CD24: variants seen among roughly 807,000 people sequenced by gnomAD.
CD24 encodes the protein signal transducer CD24.
CD24 carries 2 observed loss-of-function variants against 3.6 expected under a neutral mutation model. The ratio of observed to expected loss-of-function variants is 0.56; its 90% CI spans 0.23 to 1.77. CD24 has a LOEUF of 1.77. Ranked by LOEUF, CD24 falls within the 40% of genes most tolerant of loss-of-function variation. The pLI is 0.18. For missense variants in CD24, 62 were observed against 93.6 expected, an observed-to-expected ratio of 0.66 and a Z score of 1.39; for synonymous variants, 33 against 44.9, an observed-to-expected ratio of 0.74 and a Z score of 1.06.
At chr6:106,974,949 G>C (rs1392265873), upstream of CD24, among the ~76,000 whole-genome samples, 12 of 148,734 alleles carry the variant, frequency 8.1e-5, no homozygotes, top group East Asian at 2.0e-3. Context: ...CGCCGCTGCA[G>C]GTGGGCGGGC....
intron 1 of CD24, among the ~76,000 whole-genome samples, chr6:106,974,228 C>T (rs1773047043): frequency 6.6e-6 from 1 of 152,176 alleles, no homozygotes; most frequent in African/African-American, 2.4e-5. Context: ...CCCGAGCTCT[C>T]CAGGCGCTAA....
intron 1 of CD24, chr6:106,973,655 C>A (rs916830059): frequency 5.0e-6 from 2 of 398,628 alleles, no homozygotes; most frequent in Non-Finnish European, 8.8e-6. Flanking sequence ...CCCGAACTGA[C>A]CCAAACAAAC....
At chr6:106,973,752 G>A in intron 1 of CD24, 1 of 398,384 alleles carries the variant, frequency 2.5e-6, no homozygotes, top group Non-Finnish European at 4.4e-6. Context: ...ATACACCCTC[G>A]AGGCAGCGCT....
upstream of CD24, chr6:106,975,198 T>C (rs1773080263): frequency 2.0e-5 from 3 of 151,834 alleles, no homozygotes; most frequent in African/African-American, 4.8e-5. Flanking sequence ...AGCAAGTGCA[T>C]TGCCACTCAG....
upstream of CD24, among the ~76,000 whole-genome samples, chr6:106,974,921 G>A (rs1424157754): frequency 6.8e-6 from 1 of 146,720 alleles, no homozygotes; most frequent in Non-Finnish European, 1.5e-5. Flanking sequence ...CTCGCGGGCC[G>A]GGAGCCCCCC....
intron 1 of CD24, chr6:106,973,677 G>C: frequency 2.5e-6 from 1 of 398,624 alleles, no homozygotes; most frequent in Non-Finnish European, 4.4e-6. Context: ...TACCTTCTTC[G>C]CCCCCGCCCC....
intron 1 of CD24, chr6:106,973,953 A>T: frequency 2.5e-6 from 1 of 398,472 alleles, no homozygotes; most frequent in Non-Finnish European, 4.4e-6. Flanking sequence ...CAAGCGATGG[A>T]CGTGAAAGGT....
intron 1 of CD24, among the ~76,000 whole-genome samples, chr6:106,972,948 T>C (rs1209462616): frequency 6.6e-6 from 1 of 152,168 alleles, no homozygotes; most frequent in Non-Finnish European, 1.5e-5. Context: ...CAAAATAGAT[T>C]AGTGACAACA....
chr6:106,974,655 C>T lies in CD24; in HGVS notation c.-9G>A, dbSNP rs1773061175. 10 of 1,493,672 alleles carry T rather than the reference C, an allele frequency of 6.7e-6. 2 individuals are homozygous for T. In the South Asian group the frequency reaches 1.2e-4, roughly 17 times the overall value. The allele number at this position is 1,493,672 out of a possible 1,614,324, so 92.5% of individuals were successfully genotyped here. On this transcript the variant is annotated 5_prime_UTR_variant, in exon 1 of 2. Coordinates refer to ENST00000606017, the MANE Select transcript of CD24 (RefSeq NM_001359084.1). ...ACCATTGCTCTGCCCATGTCCCCTC[C>T]GTCGGTGCGCGGCGCGTCTAGCAGG...
chr6:106,972,800 A>G (rs983781711), intron 1 of CD24, among the ~76,000 whole-genome samples: 6 of 152,204 alleles, frequency 3.9e-5, no homozygotes, highest in Non-Finnish European at 7.3e-5. Context: ...GCACCAGGCA[A>G]GAGTCTGGGC....
chr6:106,975,406 C>G (rs1177352357), upstream of CD24: 1 of 152,152 alleles, frequency 6.6e-6, no homozygotes, highest in Non-Finnish European at 1.5e-5. Context: ...TAGCGCGAAC[C>G]CTTCCCGGCT....
intron 1 of CD24, chr6:106,974,183 G>A: frequency 2.7e-6 from 1 of 372,616 alleles, no homozygotes. Flanking sequence ...GGGAAAGCGA[G>A]TCCTCAGGGA....
intron 1 of CD24, chr6:106,973,494 A>G (rs1773023564): frequency 2.5e-6 from 1 of 396,376 alleles, no homozygotes; most frequent in Admixed American, 4.4e-5. Flanking sequence ...AGCGCGTTCC[A>G]CACTCAGGCT....
rs1772947276 is a variant in CD24 at position 106,970,595 on chromosome 6, T to G, written c.*1066A>C. Reference sequence around the variant, plus strand: ...GGGAGGCCGAGGCGGGTGGATCACCTGAGGTCAGGAGTTCGAAACCAGCCT... The same window carrying G: ...GGGAGGCCGAGGCGGGTGGATCACCGGAGGTCAGGAGTTCGAAACCAGCCT... On this transcript the variant is annotated 3_prime_UTR_variant, in exon 2 of 2. Coordinates refer to ENST00000606017, the MANE Select transcript of CD24 (RefSeq NM_001359084.1). 4 of 152,176 alleles carry G rather than the reference T, an allele frequency of 2.6e-5. No individual in the cohort carries two copies. The highest frequency in any genetic ancestry group is 2.6e-4 in the Admixed American group (4 of 15,268). 9.4% of individuals were successfully genotyped at this position (152,176 alleles called of 1,614,324 possible).
rs1395791797 is a variant in CD24, at chr6:106,974,727, G to A, written c.-81C>T. 1.4e-6 allele frequency: 2 copies of A among 1,410,604 alleles called. No individual in the cohort carries two copies. Among genetic ancestry groups the A allele is most frequent in the East Asian group, 3.0e-5 (1 of 33,350 alleles). 87.4% of individuals were successfully genotyped at this position (1,410,604 alleles called of 1,614,324 possible). On this transcript the variant is annotated 5_prime_UTR_variant, in exon 1 of 2. Coordinates refer to ENST00000606017, the MANE Select transcript of CD24 (RefSeq NM_001359084.1). ...GCTGGCTCCGGGCGGGCGCAGGCAA[G>A]GTGGGGAGCGCGGCGAGCCGGCGAG...
upstream of CD24, chr6:106,975,234 G>C (rs1448191383): frequency 6.6e-6 from 1 of 152,084 alleles, no homozygotes; most frequent in Non-Finnish European, 1.5e-5. Context: ...CCGGGGACCC[G>C]AGAGGGGCTG....
chr6:106,970,346 A>G lies in CD24; in HGVS notation c.*1315T>C, dbSNP rs1772938896. On this transcript the variant is annotated 3_prime_UTR_variant, in exon 2 of 2. Coordinates refer to ENST00000606017, the MANE Select transcript of CD24 (RefSeq NM_001359084.1). ...AAATGTATATACAGAAAGAGTATAA[A>G]AGTTTGTGAATTTAATGCAAATTAG... is the stretch of plus-strand genomic sequence containing the variant. 1 of 152,524 alleles carries G rather than the reference A, an allele frequency of 6.6e-6. No homozygotes were observed. Among genetic ancestry groups the G allele is most frequent in the African/African-American group, 2.4e-5 (1 of 41,396 alleles). 9.4% of individuals were successfully genotyped at this position (152,524 alleles called of 1,614,324 possible).
At chr6:106,973,441 G>A (rs1181268923) in intron 1 of CD24, 3 of 384,670 alleles carry the variant, frequency 7.8e-6, no homozygotes, top group Non-Finnish European at 1.4e-5. Flanking sequence ...CAGCGGACTG[G>A]GAGGAAGACA....
At chr6:106,973,043 T>A (rs2114899397) in intron 1 of CD24, among the ~76,000 whole-genome samples, 1 of 152,262 alleles carries the variant, frequency 6.6e-6, no homozygotes, top group South Asian at 2.1e-4. Flanking sequence ...GAAACGGCAC[T>A]CCCAATAAAG....
Sources: allele counts gnomAD v4.1 joint callset (sites outside exome capture counted in the v4.1 genomes callset), GRCh38; gene constraint gnomAD v4.1.1; transcripts MANE v1.5; gene names NCBI Gene and HGNC (gene_info 2026-07-23, HGNC 2026-07-21).